Variants in CCDC171 observed in about 807,000 individuals in gnomAD.
CCDC171 encodes coiled-coil domain containing 171.
CCDC171 carries 177 observed loss-of-function variants against 168.2 expected under a neutral mutation model. The observed-to-expected ratio is 1.05, with a 90% CI of 0.93 to 1.19. The LOEUF (loss-of-function observed/expected upper bound fraction) is 1.19, where lower values mean the gene tolerates loss of function less well. CCDC171 is among the 50% of genes most tolerant of loss of function. The pLI is 0.00. For synonymous variants in CCDC171, 687 were observed against 540.8 expected (o/e 1.27, Z -3.75); for missense variants, 1,991 against 1,539.0 (o/e 1.29, Z -4.91).
intron 16 of CCDC171, among the ~76,000 whole-genome samples, chr9:15,741,416 C>G (rs1198081051): frequency 6.6e-6 from 1 of 152,162 alleles, no homozygotes; most frequent in Non-Finnish European, 1.5e-5. Flanking sequence ...GTTTCTTTCT[C>G]TTAGCGTAAT....
intron 3 of CCDC171, among the ~76,000 whole-genome samples, chr9:15,996,012 C>T (rs1215391689): frequency 6.6e-6 from 1 of 152,146 alleles, no homozygotes; most frequent in Non-Finnish European, 1.5e-5. Flanking sequence ...TTCTTCAGGT[C>T]CTATACAGTG....
chr9:15,651,856 A>C (rs906000267), intron 7 of CCDC171, among the ~76,000 whole-genome samples: 1 of 151,950 alleles, frequency 6.6e-6, no homozygotes, highest in East Asian at 1.9e-4. Flanking sequence ...TTGTTTATTT[A>C]TGCTTGTGCT....
In CCDC171 at chr9:15,973,173, C is replaced by G. The variant is rs1035267553; in HGVS notation, c.*1337C>G. 4 of 152,186 alleles carry G rather than the reference C, an allele frequency of 2.6e-5. No individual in the cohort carries two copies. The highest frequency in any genetic ancestry group is 9.7e-5 in the African/African-American group (4 of 41,450). The allele number at this position is 152,186 out of a possible 1,614,324, so 9.4% of individuals were successfully genotyped here. On this transcript the variant is annotated 3_prime_UTR_variant, in exon 26 of 26. Coordinates refer to ENST00000380701, the MANE Select transcript of CCDC171 (RefSeq NM_173550.4). ...ATTTGTTTTTGTATTAATCATTTAA[C>G]TCCCTAGTGCTATTAACTTCTGATG...
intron 23 of CCDC171, among the ~76,000 whole-genome samples, chr9:15,860,065 T>C (rs540371756): frequency 6.6e-6 from 1 of 151,870 alleles, no homozygotes; most frequent in Non-Finnish European, 1.5e-5. Flanking sequence ...ATCTACTATA[T>C]TGCATATAAT....
At chr9:15,958,974 A>AC (rs1830083845) in intron 25 of CCDC171, among the ~76,000 whole-genome samples, 1 of 152,160 alleles carries the variant, frequency 6.6e-6, no homozygotes, top group East Asian at 1.9e-4. Flanking sequence ...TGCAGTGTTC[A>AC]TGTGCCCTGT....
At chr9:15,991,376 A>G (rs1370168696) in intron 3 of CCDC171, among the ~76,000 whole-genome samples, 4 of 150,762 alleles carry the variant, frequency 2.7e-5, no homozygotes, top group Non-Finnish European at 4.4e-5. Context: ...GTTCTTTGAA[A>G]CCGATGAGAA....
At chr9:15,968,788 C>T (rs1831060772) in intron 25 of CCDC171, among the ~76,000 whole-genome samples, 1 of 152,146 alleles carries the variant, frequency 6.6e-6, no homozygotes, top group South Asian at 2.1e-4. Flanking sequence ...ATCCACCCAC[C>T]TCGGCCTCCC....
intron 7 of CCDC171, among the ~76,000 whole-genome samples, chr9:15,651,517 A>T (rs1468617644): frequency 6.6e-6 from 1 of 152,042 alleles, no homozygotes; most frequent in Non-Finnish European, 1.5e-5. Flanking sequence ...TCAGCCTTCC[A>T]AAGTGCTAGG....
intron 13 of CCDC171, 120 bp downstream of exon 13, chr9:15,723,866 G>A (rs757210276): frequency 1.3e-5 from 6 of 458,696 alleles, no homozygotes; most frequent in Non-Finnish European, 2.3e-5. Context: ...TTTAAAGTAT[G>A]TATGGGTAGA....
chr9:15,639,566 C>G (rs2046440094), intron 7 of CCDC171, among the ~76,000 whole-genome samples: 1 of 151,950 alleles, frequency 6.6e-6, no homozygotes, highest in Admixed American at 6.6e-5. Flanking sequence ...GAGTGGTATA[C>G]TTCATTTCTT....
At chr9:15,931,748 C>T (rs1826542950) in intron 25 of CCDC171, among the ~76,000 whole-genome samples, 1 of 151,566 alleles carries the variant, frequency 6.6e-6, no homozygotes, top group Admixed American at 6.6e-5. Context: ...GTTATCATAG[C>T]TTTGCATTTT....
intron 24 of CCDC171, among the ~76,000 whole-genome samples, chr9:15,918,773 A>C (rs924247451): frequency 6.6e-6 from 1 of 151,532 alleles, no homozygotes; most frequent in African/African-American, 2.4e-5. Flanking sequence ...CAACTTGAAC[A>C]GAGTATTATT....
intron 8 of CCDC171, among the ~76,000 whole-genome samples, chr9:16,036,941 A>G (rs1833482129): frequency 6.6e-6 from 1 of 152,210 alleles, no homozygotes; most frequent in Non-Finnish European, 1.5e-5. Flanking sequence ...CAAATACTGC[A>G]TGTTTTCATT....
At chr9:15,741,129 A>G (rs985195602) in intron 16 of CCDC171, among the ~76,000 whole-genome samples, 6 of 152,110 alleles carry the variant, frequency 3.9e-5, no homozygotes, top group Non-Finnish European at 7.4e-5. Context: ...ATTGTGGTAA[A>G]ATATGCATGA....
intron 8 of CCDC171, among the ~76,000 whole-genome samples, chr9:15,663,827 C>G (rs546268404): frequency 6.6e-6 from 1 of 152,122 alleles, no homozygotes; most frequent in South Asian, 2.1e-4. Flanking sequence ...AGGATGGTCT[C>G]GATCTCCTAA....
chr9:16,077,245 AG>A, the CCDC171 span, among the ~76,000 whole-genome samples: 1 of 152,206 alleles, frequency 6.6e-6, no homozygotes, highest in Non-Finnish European at 1.5e-5. Flanking sequence ...CAGTGATCAA[AG>A]TCCAAACCCT....
At chr9:15,723,586 C>T (rs2053621562) in intron 12 of CCDC171, 95 bp from the exon 13 acceptor site, 2 of 804,282 alleles carry the variant, frequency 2.5e-6, no homozygotes. Context: ...ATAAAAAGCA[C>T]TTAAAGATTA....
At chr9:15,660,536 G>A (rs2048236857) in intron 8 of CCDC171, among the ~76,000 whole-genome samples, 1 of 152,126 alleles carries the variant, frequency 6.6e-6, no homozygotes, top group South Asian at 2.1e-4. Context: ...CAAGTATCCA[G>A]TATTTAGCTT....
chr9:15,736,432 C>A (rs2054498242), intron 16 of CCDC171, among the ~76,000 whole-genome samples: 2 of 151,986 alleles, frequency 1.3e-5, no homozygotes, highest in South Asian at 2.1e-4. Context: ...CTCACTGCAG[C>A]CTCAACCTCC....
Sources: allele counts gnomAD v4.1 joint callset (sites outside exome capture counted in the v4.1 genomes callset), GRCh38; gene constraint gnomAD v4.1.1; transcripts MANE v1.5; gene names NCBI Gene and HGNC (gene_info 2026-07-23, HGNC 2026-07-21).